N4BP2L2: variants seen among roughly 807,000 people sequenced by gnomAD.
N4BP2L2 encodes the protein NEDD4-binding protein 2-like 2.
Under a neutral mutation model 56.2 loss-of-function variants are expected in N4BP2L2, and 50 were observed. That is an observed-to-expected ratio of 0.89 (90% CI 0.71 to 1.13). The LOEUF (loss-of-function observed/expected upper bound fraction) is 1.13. N4BP2L2 is among the 50% of genes most tolerant of loss of function. The pLI, the probability that N4BP2L2 is intolerant of heterozygous loss-of-function variation, is 0.00. For synonymous variants in N4BP2L2, 203 were observed against 223.6 expected, an observed-to-expected ratio of 0.91 and a Z score of 0.82; for missense variants, 689 against 693.8, an observed-to-expected ratio of 0.99 and a Z score of 0.08.
At chr13:32,471,452 G>C (rs965899396) in intron 6 of N4BP2L2, among the ~76,000 whole-genome samples, 1 of 152,220 alleles carries the variant, frequency 6.6e-6, no homozygotes, top group African/African-American at 2.4e-5. Flanking sequence ...AGCCAGTATT[G>C]TTTGAGAAAG....
At chr13:32,490,371 C>T (rs1593818946) in intron 6 of N4BP2L2, among the ~76,000 whole-genome samples, 1 of 152,108 alleles carries the variant, frequency 6.6e-6, no homozygotes, top group East Asian at 1.9e-4. Flanking sequence ...GTGGCGCGAT[C>T]TCGGCTCACT....
chr13:32,502,484 C>T (rs1015499658), intron 6 of N4BP2L2, among the ~76,000 whole-genome samples: 9 of 152,182 alleles, frequency 5.9e-5, no homozygotes, highest in Admixed American at 5.2e-4. Context: ...CAGAATTCCA[C>T]GGCTTTATAA....
At chr13:32,496,491 T>C (rs868841890) in intron 6 of N4BP2L2, among the ~76,000 whole-genome samples, 7 of 152,244 alleles carry the variant, frequency 4.6e-5, no homozygotes, top group Admixed American at 1.3e-4. Context: ...GACAGCTTAC[T>C]CCAGGGTACT....
intron 6 of N4BP2L2, among the ~76,000 whole-genome samples, chr13:32,462,974 C>T (rs549496591): frequency 9.6e-4 from 145 of 150,912 alleles, no homozygotes; most frequent in Non-Finnish European, 1.7e-3. Flanking sequence ...ACCCAGGAGG[C>T]GGAGGCTGCA....
At chr13:32,521,230 C>CA in intron 5 of N4BP2L2, 143 bp downstream of exon 5, 1 of 662,024 alleles carries the variant, frequency 1.5e-6, no homozygotes, top group Admixed American at 3.0e-5. Context: ...GTGGCCTAGC[C>CA]AAAAACCAGA....
At chr13:32,477,553 A>G in intron 6 of N4BP2L2, 1 of 242,708 alleles carries the variant, frequency 4.1e-6, no homozygotes, top group Non-Finnish European at 8.3e-6. Context: ...TCCTACAGAC[A>G]TAGTCCTGAT....
At chr13:32,537,658 G>A (rs372920192) in intron 1 of N4BP2L2, among the ~76,000 whole-genome samples, 1 of 152,168 alleles carries the variant, frequency 6.6e-6, no homozygotes, top group Admixed American at 6.5e-5. Flanking sequence ...ATTTAAAAGG[G>A]GGGAAGAGAT....
At chr13:32,536,955 T>C (rs150742044) in exon 2 of N4BP2L2, 5 of 1,613,442 alleles carry the variant, frequency 3.1e-6, no homozygotes, top group South Asian at 2.2e-5. Flanking sequence ...GACTTCAATT[T>C]TTTACAGCGT....
chr13:32,471,922 A>G (rs2082378698), intron 6 of N4BP2L2, among the ~76,000 whole-genome samples: 7 of 152,228 alleles, frequency 4.6e-5, no homozygotes, highest in Admixed American at 4.6e-4. Flanking sequence ...TCACAAAACG[A>G]TATCTAAGAA....
At chr13:32,443,971 G>C (rs1315861660) in exon 7 of N4BP2L2, 1 of 1,606,242 alleles carries the variant, frequency 6.2e-7, no homozygotes. Context: ...TTCACTCTGA[G>C]ATGGGTCCTG....
chr13:32,442,598 T>G, exon 7 of N4BP2L2: 1 of 1,613,960 alleles, frequency 6.2e-7, no homozygotes, highest in Non-Finnish European at 8.5e-7. Flanking sequence ...GAGCACGAAG[T>G]ATCAGGATGA....
intron 6 of N4BP2L2, among the ~76,000 whole-genome samples, chr13:32,481,515 T>C (rs962916908): frequency 2.0e-5 from 3 of 152,208 alleles, no homozygotes; most frequent in Non-Finnish European, 2.9e-5. Context: ...ACTCAAGACT[T>C]CAGAGGATCT....
chr13:32,443,776 G>C (rs752625003), exon 7 of N4BP2L2: 1 of 1,580,140 alleles, frequency 6.3e-7, no homozygotes, highest in Admixed American at 1.9e-5. Context: ...ACCTTCCTTA[G>C]AGAGGTAATT....
At chr13:32,457,472 G>A (rs2079164102) in intron 6 of N4BP2L2, among the ~76,000 whole-genome samples, 1 of 151,950 alleles carries the variant, frequency 6.6e-6, no homozygotes, top group African/African-American at 2.4e-5. Context: ...TCTGAAAATG[G>A]CAAGAAAAAA....
chr13:32,441,086 C>T (rs543369340), intron 7 of N4BP2L2, among the ~76,000 whole-genome samples: 1 of 152,142 alleles, frequency 6.6e-6, no homozygotes, highest in East Asian at 1.9e-4. Flanking sequence ...AACTCCTGAC[C>T]TCAAGCAATC....
chr13:32,443,424 A>G (rs2076622643), exon 7 of N4BP2L2: 2 of 1,614,020 alleles, frequency 1.2e-6, no homozygotes, highest in Non-Finnish European at 1.7e-6. Context: ...AATCTTCATC[A>G]GATAAATTGG....
intron 6 of N4BP2L2, among the ~76,000 whole-genome samples, chr13:32,501,740 C>T (rs896990565): frequency 3.3e-5 from 5 of 151,654 alleles, no homozygotes; most frequent in African/African-American, 1.2e-4. Flanking sequence ...GCATGAAACC[C>T]GGAGGCGGAG....
At chr13:32,510,198 A>C (rs567243371), downstream of N4BP2L2, 1 of 152,294 alleles carries the variant, frequency 6.6e-6, no homozygotes, top group East Asian at 1.9e-4. Context: ...TGGACATAAA[A>C]GAAAAGTAAG....
At chr13:32,519,244 CAAAAA>C (rs568918720) in intron 5 of N4BP2L2, among the ~76,000 whole-genome samples, 1 of 113,358 alleles carries the variant, frequency 8.8e-6, no homozygotes. Context: ...CCGTCTCTAC[CAAAAA>C]AAAAAAAAAA....
Sources: allele counts gnomAD v4.1 joint callset (sites outside exome capture counted in the v4.1 genomes callset), GRCh38; gene constraint gnomAD v4.1.1; transcripts MANE v1.5; gene names NCBI Gene and HGNC (gene_info 2026-07-23, HGNC 2026-07-21).